Variants in UGT2A2 observed in about 807,000 individuals in gnomAD.
UGT2A2 encodes UDP glucuronosyltransferase family 2 member A2.
Under a neutral mutation model 50.7 loss-of-function variants are expected in UGT2A2, and 60 were observed. That is an observed-to-expected ratio of 1.18 (90% CI 0.96 to 1.47). The LOEUF is 1.47. Among genes scored for constraint, UGT2A2 ranks in the 40% most tolerant of loss-of-function variants. The pLI is 0.00. For synonymous variants in UGT2A2, 242 were observed against 214.6 expected (o/e 1.13, Z -1.11); for missense variants, 762 against 634.0 (o/e 1.20, Z -2.17).
chr4:69,589,958 G>A (rs1029303964), intron 5 of UGT2A2, among the ~76,000 whole-genome samples: 1 of 152,190 alleles, frequency 6.6e-6, no homozygotes, highest in African/African-American at 2.4e-5. Flanking sequence ...GAGCTATACT[G>A]TAGGATGGTT....
At chr4:69,613,097 A>C (rs1171293858) in intron 1 of UGT2A2, among the ~76,000 whole-genome samples, 1 of 152,044 alleles carries the variant, frequency 6.6e-6, no homozygotes, top group Non-Finnish European at 1.5e-5. Flanking sequence ...TTCACAAAAG[A>C]AGACATACAA....
chr4:69,603,137 C>G (rs892352838), intron 1 of UGT2A2, among the ~76,000 whole-genome samples: 1 of 135,410 alleles, frequency 7.4e-6, no homozygotes, highest in Non-Finnish European at 1.6e-5. Context: ...TTTCATAAAC[C>G]TTTACAATTG....
chr4:69,600,261 C>T (rs4694219), intron 1 of UGT2A2, among the ~76,000 whole-genome samples: 80,539 of 151,926 alleles, frequency 0.53, 21,757 homozygotes, highest in East Asian at 0.59. Flanking sequence ...CAGTGGGAAA[C>T]ACATGAGAAA....
intron 5 of UGT2A2, among the ~76,000 whole-genome samples, chr4:69,590,018 A>C (rs1175473976): frequency 6.6e-6 from 1 of 152,234 alleles, no homozygotes; most frequent in Non-Finnish European, 1.5e-5. Flanking sequence ...AAAATCATTT[A>C]AGACATACAT....
intron 1 of UGT2A2, among the ~76,000 whole-genome samples, chr4:69,620,858 T>C (rs1344308898): frequency 6.6e-6 from 1 of 151,624 alleles, no homozygotes; most frequent in African/African-American, 2.4e-5. Context: ...AACCATCAGA[T>C]CTTCTACAAA....
At chr4:69,638,716 T>C (rs1490107192) in intron 1 of UGT2A2, among the ~76,000 whole-genome samples, 183 bp downstream of exon 1, 2 of 152,142 alleles carry the variant, frequency 1.3e-5, no homozygotes, top group Non-Finnish European at 2.9e-5. Flanking sequence ...TACATATTAA[T>C]ACCACCATTT....
intron 1 of UGT2A2, chr4:69,599,695 AAGAG>A (rs138740078): frequency 2.0e-5 from 4 of 200,442 alleles, no homozygotes; most frequent in South Asian, 2.8e-4. Context: ...GAAATAAAGA[AAGAG>A]AGAGAGAGAG....
rs1412453515 is a variant in UGT2A2, at chr4:69,589,559, A to G, written c.1424T>C (p.Met475Thr). ...DRAVFWIEFV[M>T]RHKGAKHLRV... Reference sequence around the variant, plus strand: ...AAGGTGCTTGGCTCCTTTGTGGCGCATGACAAACTCGATCCAGAAGACTGC... The same window carrying G: ...AAGGTGCTTGGCTCCTTTGTGGCGCGTGACAAACTCGATCCAGAAGACTGC... The change falls in exon 6 of 6, where the codon ATG (methionine) becomes ACG (threonine). Residue 475 changes from methionine (M) to threonine (T), a missense_variant. Physicochemically the swap from Met to Thr is moderately conservative, Grantham distance 81. Transcript: ENST00000604629. 5 of 1,614,004 alleles carry G rather than the reference A, an allele frequency of 3.1e-6. No individual in the cohort carries two copies. Among genetic ancestry groups the G allele is most frequent in the African/African-American group, 1.3e-5 (1 of 74,924 alleles).
At chr4:69,628,630 A>G (rs2109951216) in intron 1 of UGT2A2, among the ~76,000 whole-genome samples, 1 of 151,204 alleles carries the variant, frequency 6.6e-6, no homozygotes, top group East Asian at 1.9e-4. Context: ...TAGAAAACAG[A>G]ACTTTTTTGA....
At chr4:69,626,515 G>C (rs1291951684) in intron 1 of UGT2A2, among the ~76,000 whole-genome samples, 1 of 151,472 alleles carries the variant, frequency 6.6e-6, no homozygotes, top group African/African-American at 2.4e-5. Flanking sequence ...ACAGACTTGA[G>C]GATATTTATT....
At chr4:69,608,428 G>T in intron 1 of UGT2A2, among the ~76,000 whole-genome samples, 1 of 136,214 alleles carries the variant, frequency 7.3e-6, no homozygotes. Context: ...TGTGGGGTGG[G>T]GGGAGGGGGG....
chr4:69,603,719 TA>T (rs1719435445), intron 1 of UGT2A2: 1 of 135,892 alleles, frequency 7.4e-6, no homozygotes, highest in African/African-American at 3.0e-5. Context: ...GAAAAGCCCT[TA>T]AAGGACCTGA....
At position 69,588,643 on chromosome 4, in the gene UGT2A2, T is replaced by C. The variant is rs1338513393; in HGVS notation, c.*729A>G. On this transcript the variant is annotated 3_prime_UTR_variant, in exon 6 of 6. Coordinates refer to ENST00000604629, the MANE Select transcript of UGT2A2 (RefSeq NM_001105677.2). ...ATCTGTTCACCTTCAACATATAACA[T>C]AGAACTTTCTCCTTGAAATAAAAGA... 2.6e-5 allele frequency: 4 copies of C among 151,968 alleles called. No homozygotes were observed. Among genetic ancestry groups the C allele is most frequent in the African/African-American group, 7.2e-5 (3 of 41,398 alleles). 9.4% of individuals were successfully genotyped at this position (151,968 alleles called of 1,614,324 possible). A position where few individuals can be genotyped will look rare whatever the true frequency, so the allele number is the denominator to read the frequency against.
chr4:69,630,239 G>A (rs921188255), intron 1 of UGT2A2, among the ~76,000 whole-genome samples: 4 of 152,138 alleles, frequency 2.6e-5, no homozygotes, highest in South Asian at 2.1e-4. Flanking sequence ...AGTTGGCTAC[G>A]ATTCATTTTT....
chr4:69,594,770 C>T lies in UGT2A2; in HGVS notation c.1112-74G>A, dbSNP rs953321680. The T allele has an allele frequency of 2.0e-6, 3 of 1,494,380 alleles. No individual in the cohort carries two copies. The African/African-American group carries it at 4.2e-5, about 21-fold the overall frequency. 92.6% of individuals were successfully genotyped at this position (1,494,380 alleles called of 1,614,324 possible). On this transcript the variant is annotated intron_variant, in intron 4 of 5. Transcript: ENST00000604629. ...GCAGAATTTGAGAGACAGAAGGGGT[C>T]AAAAAGCTGTAATGTAACTCTCTAA...
intron 1 of UGT2A2, among the ~76,000 whole-genome samples, chr4:69,632,674 A>T (rs937350682): frequency 1.3e-5 from 2 of 151,974 alleles, no homozygotes; most frequent in Admixed American, 6.6e-5. Context: ...CAGATCACAA[A>T]GTCAAGAGTT....
chr4:69,622,014 A>G lies in UGT2A2; in HGVS notation c.742+16885T>C, dbSNP rs564971517. On this transcript the variant is annotated intron_variant, in intron 1 of 5. Coordinates refer to ENST00000604629, the MANE Select transcript of UGT2A2 (RefSeq NM_001105677.2). ...GACAGTAAGGCCTACTTGAGGGTGG[A>G]TGGTGGAAGGAGGAAGAGGAAGAGA... Among the ~76,000 whole-genome samples the G allele has an allele frequency of 3.3e-5, 5 of 151,724 alleles. No homozygotes were observed. The South Asian group carries it at 1.0e-3, about 32-fold the overall frequency.
At chr4:69,591,239 C>T (rs986609938) in intron 5 of UGT2A2, among the ~76,000 whole-genome samples, 1 of 152,004 alleles carries the variant, frequency 6.6e-6, no homozygotes, top group Non-Finnish European at 1.5e-5. Flanking sequence ...GTATATGTGC[C>T]CAAGGTGGCT....
At chr4:69,603,235 G>C (rs1408463464) in intron 1 of UGT2A2, among the ~76,000 whole-genome samples, 1 of 135,990 alleles carries the variant, frequency 7.4e-6, no homozygotes, top group Non-Finnish European at 1.6e-5. Context: ...AGAGATACAA[G>C]AGGAAGGAAT....
Sources: gnomAD v4.1 joint callset for allele counts (sites outside exome capture counted in the v4.1 genomes callset) on GRCh38, gnomAD v4.1.1 for gene constraint, MANE v1.5 for transcripts, NCBI Gene and HGNC (gene_info 2026-07-23, HGNC 2026-07-21) for gene names.